The following SCN4B variants were observed in gnomAD, a reference collection of about 807,000 sequenced individuals.
SCN4B encodes the protein sodium voltage-gated channel beta subunit 4, also known as sodium channel regulatory subunit beta-4.
Under a neutral mutation model 19.6 loss-of-function variants are expected in SCN4B, and 20 were observed. The ratio of observed to expected loss-of-function variants is 1.02; its 90% CI spans 0.72 to 1.48. SCN4B has a LOEUF of 1.48. SCN4B is among the 40% of genes most tolerant of loss of function. The pLI is 0.00. For synonymous variants in SCN4B, 127 were observed against 122.8 expected (o/e 1.03, Z -0.22); for missense variants, 271 against 287.5 (o/e 0.94, Z 0.42).
chr11:118,141,399 G>C (rs1427859814), intron 3 of SCN4B, 63 bp from the exon 4 acceptor site: 2 of 1,605,394 alleles, frequency 1.2e-6, no homozygotes, highest in African/African-American at 2.7e-5. Context: ...ACCTGGAGCC[G>C]AGAACTGTGG....
chr11:118,152,513 C>T (rs1170516169), intron 1 of SCN4B, 100 bp downstream of exon 1: 3 of 1,057,712 alleles, frequency 2.8e-6, no homozygotes, highest in African/African-American at 1.6e-5. Flanking sequence ...CCGTGCCGCA[C>T]TCCAAAGCCC....
chr11:118,147,148 A>T (rs555891069), intron 1 of SCN4B, among the ~76,000 whole-genome samples: 2 of 152,334 alleles, frequency 1.3e-5, no homozygotes, highest in South Asian at 4.1e-4. Flanking sequence ...TTTGAGAACC[A>T]CGGTGCGAGA....
At chr11:118,142,038 C>A (rs554737242) in intron 3 of SCN4B, among the ~76,000 whole-genome samples, 1 of 152,372 alleles carries the variant, frequency 6.6e-6, no homozygotes, top group South Asian at 2.1e-4. Flanking sequence ...ACAGCTCTAA[C>A]TTTAAAATAT....
intron 1 of SCN4B, among the ~76,000 whole-genome samples, chr11:118,146,664 G>A (rs1391795899): frequency 1.3e-5 from 2 of 152,158 alleles, no homozygotes; most frequent in East Asian, 3.9e-4. Context: ...ATATCCCCCA[G>A]CCCTAAAATC....
At position 118,133,395 on chromosome 11, in the gene SCN4B, A is replaced by G. The variant is rs1947943972; in HGVS notation, c.*3632T>C. 2.6e-6 allele frequency: 1 copy of G among 379,698 alleles called. No individual in the cohort carries two copies. The allele number at this position is 379,698 out of a possible 1,614,324, so 23.5% of individuals were successfully genotyped here. A position where few individuals can be genotyped will look rare whatever the true frequency, so the allele number is the denominator to read the frequency against. On this transcript the variant is annotated 3_prime_UTR_variant, in exon 5 of 5. Coordinates refer to ENST00000324727, the MANE Select transcript of SCN4B (RefSeq NM_174934.4). ...TCCCAAATTATTAAACATAATTTTT[A>G]TTTCATCCAAGGCAAAGCTAAATAC...
intron 1 of SCN4B, chr11:118,145,563 A>C: frequency 1.1e-6 from 1 of 946,718 alleles, no homozygotes; most frequent in Middle Eastern, 4.3e-4. Context: ...CTGGGGACGC[A>C]GTGCCTGGAA....
In SCN4B at chr11:118,137,658, G is replaced by A. The variant is rs375317922; in HGVS notation, c.594-538C>T. ...TGCACTCCAGCCTGGGCAACAGAGC[G>A]AGACTCTGTCTCAAACAAAGAAAAA... On this transcript the variant is annotated intron_variant, in intron 4 of 4. Coordinates refer to ENST00000324727, the MANE Select transcript of SCN4B (RefSeq NM_174934.4). 3.9e-5 allele frequency among the ~76,000 whole-genome samples: 6 copies of A among 152,176 alleles called. No individual in the cohort carries two copies. The South Asian group carries it at 1.0e-3, about 26-fold the overall frequency.
rs1948016756 is a variant in SCN4B at position 118,136,836 on chromosome 11, G to A, written c.*191C>T. 1.5e-6 allele frequency: 1 copy of A among 685,276 alleles called. No homozygotes were observed. The highest frequency in any genetic ancestry group is 2.0e-5 in the Admixed American group (1 of 49,356). 42.4% of individuals were successfully genotyped at this position (685,276 alleles called of 1,614,324 possible). ...AGACCCCCTCCCCTGGCCATCCCTT[G>A]TCCCTGGGGAGCCCTGACTGGGAAG... On this transcript the variant is annotated 3_prime_UTR_variant, in exon 5 of 5. Transcript: ENST00000324727.
chr11:118,137,666 G>T (rs757832867), intron 4 of SCN4B, among the ~76,000 whole-genome samples: 2 of 152,150 alleles, frequency 1.3e-5, no homozygotes, highest in Non-Finnish European at 2.9e-5. Context: ...GCGAGACTCT[G>T]TCTCAAACAA....
intron 4 of SCN4B, 38 bp from the exon 5 acceptor site, chr11:118,137,158 G>C: frequency 6.8e-7 from 1 of 1,462,180 alleles, no homozygotes; most frequent in South Asian, 1.1e-5. Flanking sequence ...GTGAGGAGAG[G>C]AGCAAGAGTA....
rs1324028231 is a variant in SCN4B at position 118,133,689 on chromosome 11, G to T, written c.*3338C>A. On this transcript the variant is annotated 3_prime_UTR_variant, in exon 5 of 5. Coordinates refer to ENST00000324727, the MANE Select transcript of SCN4B (RefSeq NM_174934.4). ...ATCAGGTGGGAGGTGGGAGGGTAGGGACTCCAACCTGGGACAAAGTAAAGT... is the reference window on the plus strand; with the variant it reads ...ATCAGGTGGGAGGTGGGAGGGTAGGTACTCCAACCTGGGACAAAGTAAAGT... 1 of 454,562 alleles carries T rather than the reference G, an allele frequency of 2.2e-6. No homozygotes were observed. Among genetic ancestry groups the T allele is most frequent in the Non-Finnish European group, 4.4e-6 (1 of 226,798 alleles). The allele number at this position is 454,562 out of a possible 1,614,324, so 28.2% of individuals were successfully genotyped here. A position where few individuals can be genotyped will look rare whatever the true frequency, so the allele number is the denominator to read the frequency against.
At chr11:118,143,683 A>C (rs539467706) in intron 3 of SCN4B, 150 bp downstream of exon 3, 1 of 666,106 alleles carries the variant, frequency 1.5e-6, no homozygotes, top group Non-Finnish European at 2.7e-6. Flanking sequence ...GAGCTCTTCT[A>C]GCTTTTAGAT....
At chr11:118,137,434 G>A (rs1211103997) in intron 4 of SCN4B, among the ~76,000 whole-genome samples, 1 of 152,184 alleles carries the variant, frequency 6.6e-6, no homozygotes, top group Non-Finnish European at 1.5e-5. Context: ...ACTTTGGGAG[G>A]CCGAGGCAGG....
In SCN4B at chr11:118,136,318, C is replaced by T. The variant is rs1177696521; in HGVS notation, c.*709G>A. The T allele has an allele frequency of 2.2e-6, 1 of 453,830 alleles. No individual in the cohort carries two copies. Among genetic ancestry groups the T allele is most frequent in the Middle Eastern group, 6.9e-4 (1 of 1,444 alleles). The allele number at this position is 453,830 out of a possible 1,614,324, so 28.1% of individuals were successfully genotyped here. Reference sequence around the variant, plus strand: ...AGGCTCGAGGGGCCCCTTCCTGAGCCCCTCAGTAACCCAGAGAGCAGAGGA... The same window carrying T: ...AGGCTCGAGGGGCCCCTTCCTGAGCTCCTCAGTAACCCAGAGAGCAGAGGA... On this transcript the variant is annotated 3_prime_UTR_variant, in exon 5 of 5. Coordinates refer to ENST00000324727, the MANE Select transcript of SCN4B (RefSeq NM_174934.4).
intron 4 of SCN4B, among the ~76,000 whole-genome samples, chr11:118,140,895 G>T (rs140785079): frequency 1.3e-5 from 2 of 152,116 alleles, no homozygotes; most frequent in South Asian, 2.1e-4. Flanking sequence ...TAAGGCTCTC[G>T]GTTGGGTGGT....
chr11:118,133,722 G>A lies in SCN4B; in HGVS notation c.*3305C>T. The A allele has an allele frequency of 2.2e-6, 1 of 454,542 alleles. No individual in the cohort carries two copies. The highest frequency in any genetic ancestry group is 1.6e-5 in the South Asian group (1 of 64,478). The allele number at this position is 454,542 out of a possible 1,614,324, so 28.2% of individuals were successfully genotyped here. ...CCTGGGACAAAGTAAAGTAAAGCAA[G>A]TTATAGGATTTTCCCGAGAAGTCCC... On this transcript the variant is annotated 3_prime_UTR_variant, in exon 5 of 5. Coordinates refer to ENST00000324727, the MANE Select transcript of SCN4B (RefSeq NM_174934.4).
rs772529983 is a variant in SCN4B, at chr11:118,137,004, A to C, written c.*23T>G. ...CATCATCAGAAAGGGGGCTCCCTGC[A>C]GCTGCTCAGCCCGAAGCAGGGCTCA... On this transcript the variant is annotated 3_prime_UTR_variant, in exon 5 of 5. Transcript: ENST00000324727. 3.9e-6 allele frequency: 6 copies of C among 1,546,694 alleles called. No individual in the cohort carries two copies. In the African/African-American group the frequency reaches 8.2e-5, roughly 21 times the overall value.
At chr11:118,143,671 C>A (rs1948129076) in intron 3 of SCN4B, among the ~76,000 whole-genome samples, 162 bp downstream of exon 3, 1 of 152,154 alleles carries the variant, frequency 6.6e-6, no homozygotes, top group Non-Finnish European at 1.5e-5. Context: ...AGTGTTCAAG[C>A]TGAGCTCTTC....
intron 2 of SCN4B, among the ~76,000 whole-genome samples, chr11:118,144,728 A>G (rs934743727): frequency 6.6e-6 from 1 of 151,980 alleles, no homozygotes; most frequent in African/African-American, 2.4e-5. Context: ...CTTCTCTCCA[A>G]GCTTTCCAAG....
Sources: allele counts gnomAD v4.1 joint callset (sites outside exome capture counted in the v4.1 genomes callset), GRCh38; gene constraint gnomAD v4.1.1; transcripts MANE v1.5; gene names NCBI Gene and HGNC (gene_info 2026-07-23, HGNC 2026-07-21).